Variants in GNG4 observed in about 807,000 individuals in gnomAD.
GNG4 encodes G protein subunit gamma 4.
GNG4 carries 4 observed loss-of-function variants against 5.8 expected under a neutral mutation model. That is an observed-to-expected ratio of 0.69 (90% CI 0.34 to 1.57). The LOEUF is 1.57. Ranked by LOEUF, GNG4 falls within the 40% of genes most tolerant of loss-of-function variation. The probability of loss-of-function intolerance (pLI) is 0.06; values close to 1 mark genes in which losing one functional copy is unlikely to be tolerated. For missense variants in GNG4, 96 were observed against 95.1 expected, an observed-to-expected ratio of 1.01 and a Z score of -0.04; for synonymous variants, 29 against 32.9, an observed-to-expected ratio of 0.88 and a Z score of 0.41.
intron 1 of GNG4, among the ~76,000 whole-genome samples, chr1:235,605,905 CAG>C (rs1292212778): frequency 6.8e-6 from 1 of 147,722 alleles, no homozygotes; most frequent in Non-Finnish European, 1.5e-5. Context: ...GGTTATTTAA[CAG>C]AGAAGTAAAA....
chr1:235,633,147 C>T (rs1395531090), intron 1 of GNG4, among the ~76,000 whole-genome samples: 3 of 152,164 alleles, frequency 2.0e-5, no homozygotes, highest in African/African-American at 4.8e-5. Context: ...CCAGGAAAAA[C>T]GATGTAGAGT....
At position 235,548,166 on chromosome 1, in the gene GNG4, T is replaced by G. The variant is rs1255402352; in HGVS notation, c.*3943A>C. On this transcript the variant is annotated 3_prime_UTR_variant, in exon 4 of 4. Coordinates refer to ENST00000391854, the MANE Select transcript of GNG4 (RefSeq NM_001098722.2). Reference sequence around the variant, plus strand: ...GAGCATGTCTCTGGATGAACACATGTACACATTTCTGTAGGGTATACACCT... The same window carrying G: ...GAGCATGTCTCTGGATGAACACATGGACACATTTCTGTAGGGTATACACCT... The G allele has an allele frequency of 6.6e-6, 1 of 152,206 alleles. No individual in the cohort carries two copies. The highest frequency in any genetic ancestry group is 2.4e-5 in the African/African-American group (1 of 41,458). 9.4% of individuals were successfully genotyped at this position (152,206 alleles called of 1,614,324 possible).
chr1:235,605,198 T>G (rs1688333382), intron 1 of GNG4, among the ~76,000 whole-genome samples: 1 of 150,724 alleles, frequency 6.6e-6, no homozygotes, highest in Non-Finnish European at 1.5e-5. Flanking sequence ...TTCCTGCCTT[T>G]TTTTTTTTTT....
At chr1:235,627,850 TCCCCATTCAA>T in intron 1 of GNG4, among the ~76,000 whole-genome samples, 1 of 152,250 alleles carries the variant, frequency 6.6e-6, no homozygotes, top group African/African-American at 2.4e-5. Flanking sequence ...AACCAATACT[TCCCCATTCAA>T]GGAAGGGATG....
chr1:235,552,334 G>A, intron 3 of GNG4, 97 bp from the exon 4 acceptor site: 2 of 1,135,058 alleles, frequency 1.8e-6, no homozygotes, highest in South Asian at 1.3e-5. Flanking sequence ...AAGCCCTAGG[G>A]TAGGCTGTAT....
intron 1 of GNG4, among the ~76,000 whole-genome samples, chr1:235,605,470 T>C (rs964917942): frequency 6.6e-6 from 1 of 152,174 alleles, no homozygotes; most frequent in Non-Finnish European, 1.5e-5. Flanking sequence ...CCACCGTGCC[T>C]GGCCCGTGAT....
At chr1:235,637,653 C>CAAA (rs5781837) in intron 1 of GNG4, among the ~76,000 whole-genome samples, 7 of 116,300 alleles carry the variant, frequency 6.0e-5, no homozygotes, top group African/African-American at 2.4e-4. Context: ...GACCTTGTCT[C>CAAA]AAAAAAAAAA....
chr1:235,564,855 T>A (rs1383555375), intron 3 of GNG4, among the ~76,000 whole-genome samples: 1 of 152,078 alleles, frequency 6.6e-6, no homozygotes, highest in African/African-American at 2.4e-5. Flanking sequence ...CCGGCTTATT[T>A]TGGTATTCTT....
intron 2 of GNG4, among the ~76,000 whole-genome samples, chr1:235,584,537 A>ACT (rs750911509): frequency 2.6e-5 from 4 of 152,004 alleles, no homozygotes; most frequent in African/African-American, 2.4e-5. Flanking sequence ...ACAAACACAC[A>ACT]CTCTCTCTCT....
Position 235,642,284 on chromosome 1 carries a change from G to A in GNG4, c.-123+7378C>T, listed in dbSNP as rs867308027. ...GCGGTTACTGTGAAGCAGGGCCAAGGCCAGCCCTCCGCCTCGAGGCCACTG... is the reference window on the plus strand; with the variant it reads ...GCGGTTACTGTGAAGCAGGGCCAAGACCAGCCCTCCGCCTCGAGGCCACTG... On this transcript the variant is annotated intron_variant, in intron 1 of 3. Coordinates refer to ENST00000391854, the MANE Select transcript of GNG4 (RefSeq NM_001098722.2). This position sits in a 1 kb window ranked among gnomAD's most constrained non-coding sequence, Gnocchi z 4.3. Among the ~76,000 whole-genome samples, 2 of 152,342 alleles carry A rather than the reference G, an allele frequency of 1.3e-5. No homozygotes were observed. Among genetic ancestry groups the A allele is most frequent in the Middle Eastern group, 6.8e-3 (2 of 294 alleles).
At chr1:235,640,626 C>A (rs886889990) in intron 1 of GNG4, among the ~76,000 whole-genome samples, 1 of 152,248 alleles carries the variant, frequency 6.6e-6, no homozygotes, top group African/African-American at 2.4e-5. Context: ...ACAGTCCTTG[C>A]CAAGCTGCGT....
rs12087148 is a variant in GNG4, at chr1:235,603,016, G to A, written c.-122-7505C>T. Among the ~76,000 whole-genome samples, 648 of 152,210 alleles carry A rather than the reference G, an allele frequency of 4.3e-3. 4 individuals carry two copies. Among genetic ancestry groups the A allele is most frequent in the African/African-American group, 0.015 (630 of 41,522 alleles). ...GTAATCCCAGCACTTTGGGAGGTGG[G>A]CAAATCAGTTGAAGTCAGGAGTTCC... On this transcript the variant is annotated intron_variant, in intron 1 of 3. Coordinates refer to ENST00000391854, the MANE Select transcript of GNG4 (RefSeq NM_001098722.2).
chr1:235,552,037 G>A lies in GNG4; in HGVS notation c.*72C>T. ...ATGGGTGTTGGTCTCACTCCCTAAG[G>A]CTTAGAGCATGCATGGTCTCTACAG... On this transcript the variant is annotated 3_prime_UTR_variant, in exon 4 of 4. Coordinates refer to ENST00000391854, the MANE Select transcript of GNG4 (RefSeq NM_001098722.2). 2 of 1,420,356 alleles carry A rather than the reference G, an allele frequency of 1.4e-6. No homozygotes were observed. Among genetic ancestry groups the A allele is most frequent in the Non-Finnish European group, 2.0e-6 (2 of 1,007,804 alleles). The allele number at this position is 1,420,356 out of a possible 1,614,324, so 88.0% of individuals were successfully genotyped here.
chr1:235,553,278 A>G (rs1294928100), intron 3 of GNG4, among the ~76,000 whole-genome samples: 11 of 152,184 alleles, frequency 7.2e-5, no homozygotes, highest in Admixed American at 4.6e-4. Context: ...GGCAGTTACC[A>G]GCTTATTTTG....
intron 2 of GNG4, among the ~76,000 whole-genome samples, chr1:235,592,099 GTC>G (rs1201460098): frequency 6.6e-6 from 1 of 152,178 alleles, no homozygotes; most frequent in Non-Finnish European, 1.5e-5. Flanking sequence ...CTTAACATAT[GTC>G]TCTGAGTTGT....
At chr1:235,636,895 T>G (rs1689049727) in intron 1 of GNG4, among the ~76,000 whole-genome samples, 1 of 152,034 alleles carries the variant, frequency 6.6e-6, no homozygotes, top group Non-Finnish European at 1.5e-5. Context: ...AGGAACAGTG[T>G]GGAGTTCGAG....
intron 1 of GNG4, among the ~76,000 whole-genome samples, chr1:235,623,176 T>G (rs1471769261): frequency 6.6e-6 from 1 of 152,176 alleles, no homozygotes; most frequent in Non-Finnish European, 1.5e-5. Context: ...TCTTGGAGAT[T>G]TAGCCTGCAT....
At chr1:235,552,259 G>C (rs556050017) in intron 3 of GNG4, 22 bp from the exon 4 acceptor site, 2 of 1,611,800 alleles carry the variant, frequency 1.2e-6, no homozygotes, top group African/African-American at 1.3e-5. Context: ...CAGAGCACAG[G>C]TGCTCAGTTA....
intron 1 of GNG4, among the ~76,000 whole-genome samples, chr1:235,646,713 A>G (rs1354910143): frequency 6.6e-6 from 1 of 152,102 alleles, no homozygotes; most frequent in Non-Finnish European, 1.5e-5. Context: ...TCTGCATGGC[A>G]CCTGTCACTC....
Sources: allele counts gnomAD v4.1 joint callset (sites outside exome capture counted in the v4.1 genomes callset), GRCh38; gene constraint gnomAD v4.1.1; non-coding constraint Gnocchi (gnomAD v3.1); transcripts MANE v1.5; gene names NCBI Gene and HGNC (gene_info 2026-07-23, HGNC 2026-07-21).